Variants in NDST3 observed in about 807,000 individuals in gnomAD.
The protein encoded by NDST3 is bifunctional heparan sulfate N-deacetylase/N-sulfotransferase 3.
A neutral mutation model predicts 96.1 loss-of-function variants in NDST3; 58 were observed. That is an observed-to-expected ratio of 0.60 (90% CI 0.49 to 0.75). The LOEUF is 0.75. NDST3 is among the 30% of genes least tolerant of loss of function. The pLI is 0.00. For missense variants in NDST3, 788 were observed against 1,034.2 expected, an observed-to-expected ratio of 0.76 and a Z score of 3.27; for synonymous variants, 333 against 359.7, an observed-to-expected ratio of 0.93 and a Z score of 0.84.
intron 4 of NDST3, among the ~76,000 whole-genome samples, chr4:118,125,091 G>T (rs1335018603): frequency 6.6e-6 from 1 of 152,000 alleles, no homozygotes; most frequent in African/African-American, 2.4e-5. Flanking sequence ...CTAAGATCAG[G>T]CTGATATCAC....
intron 2 of NDST3, among the ~76,000 whole-genome samples, chr4:118,063,929 T>A (rs1726099480): frequency 6.6e-6 from 1 of 152,158 alleles, no homozygotes. Context: ...AAAAATTTCT[T>A]CCTACCAAGC....
rs558885291 is a variant in NDST3, at chr4:118,205,960, G to A, written c.1540-18531G>A. On this transcript the variant is annotated intron_variant, in intron 6 of 13. Transcript: ENST00000296499. ...CCCTTCTCCTGCCTCAGCCTCCCGA[G>A]TAGCTGGGATTACAGAAGCCCGCCA... is the stretch of plus-strand genomic sequence containing the variant. Among the ~76,000 whole-genome samples, 51 of 142,186 alleles carry A rather than the reference G, an allele frequency of 3.6e-4. 6 individuals are homozygous for A. Among genetic ancestry groups the A allele is most frequent in the Non-Finnish European group, 7.4e-4 (48 of 64,486 alleles). The allele number at this position is 142,186 out of a possible 152,430, so 93.3% of individuals were successfully genotyped here. A position where few individuals can be genotyped will look rare whatever the true frequency, so the allele number is the denominator to read the frequency against.
intron 8 of NDST3, among the ~76,000 whole-genome samples, chr4:118,229,905 T>TA (rs1415168790): frequency 6.6e-6 from 1 of 152,236 alleles, no homozygotes; most frequent in African/African-American, 2.4e-5. Context: ...ATAAAGTTTT[T>TA]ATCTGGAAAA....
chr4:118,106,227 C>T (rs1322210501), intron 3 of NDST3, among the ~76,000 whole-genome samples: 1 of 152,088 alleles, frequency 6.6e-6, no homozygotes, highest in African/African-American at 2.4e-5. Flanking sequence ...CTTAATTTTC[C>T]TTATGGCGTT....
intron 2 of NDST3, among the ~76,000 whole-genome samples, chr4:118,056,480 T>A (rs1054866857): frequency 1.3e-5 from 2 of 152,018 alleles, no homozygotes; most frequent in African/African-American, 4.8e-5. Context: ...AATGCTTTTT[T>A]AAAAAATGTG....
chr4:118,241,512 T>TCTCCTC (rs2308027), intron 11 of NDST3, among the ~76,000 whole-genome samples: 4 of 151,792 alleles, frequency 2.6e-5, no homozygotes, highest in Non-Finnish European at 5.9e-5. Flanking sequence ...AGCAACTTCT[T>TCTCCTC]CTTAGTTTCT....
intron 4 of NDST3, 49 bp from the exon 5 acceptor site, chr4:118,138,005 G>T: frequency 2.8e-6 from 4 of 1,420,776 alleles, no homozygotes; most frequent in Middle Eastern, 1.8e-4. Context: ...GTAAAAATAG[G>T]ATCAAGATAA....
chr4:118,078,527 G>A (rs1727760003), intron 2 of NDST3, among the ~76,000 whole-genome samples: 1 of 152,154 alleles, frequency 6.6e-6, no homozygotes, highest in South Asian at 2.1e-4. Flanking sequence ...CGAGGTGGGT[G>A]GATCACGAGG....
At chr4:118,159,533 C>T (rs919125080) in intron 6 of NDST3, among the ~76,000 whole-genome samples, 21 of 151,814 alleles carry the variant, frequency 1.4e-4, no homozygotes, top group African/African-American at 3.6e-4. Context: ...GGTAACAAGG[C>T]GCATTAAGAA....
chr4:118,200,822 A>G (rs888421351), intron 6 of NDST3, among the ~76,000 whole-genome samples: 1 of 152,110 alleles, frequency 6.6e-6, no homozygotes, highest in African/African-American at 2.4e-5. Flanking sequence ...AATACAGGGT[A>G]CATGTACAGA....
At chr4:118,108,285 TGAAAA>T (rs1560648643) in intron 3 of NDST3, among the ~76,000 whole-genome samples, 1 of 152,222 alleles carries the variant, frequency 6.6e-6, no homozygotes, top group African/African-American at 2.4e-5. Flanking sequence ...ACAAGAGAGA[TGAAAA>T]GAAGAGTTAC....
At chr4:118,119,090 CAT>C (rs1174855711) in intron 4 of NDST3, among the ~76,000 whole-genome samples, 2 of 152,146 alleles carry the variant, frequency 1.3e-5, no homozygotes, top group Non-Finnish European at 2.9e-5. Context: ...TTCCTGATAA[CAT>C]AAAATCTTAC....
chr4:118,061,055 C>T (rs750906928), intron 2 of NDST3, among the ~76,000 whole-genome samples: 19 of 152,132 alleles, frequency 1.2e-4, no homozygotes, highest in Non-Finnish European at 2.5e-4. Context: ...GCCATTGACA[C>T]GTAATTTTGA....
At chr4:118,198,805 T>C (rs1737870844) in intron 6 of NDST3, among the ~76,000 whole-genome samples, 1 of 152,178 alleles carries the variant, frequency 6.6e-6, no homozygotes, top group Admixed American at 6.5e-5. Context: ...TCTTCATTCT[T>C]GAAGGATATT....
intron 4 of NDST3, among the ~76,000 whole-genome samples, chr4:118,129,571 G>A (rs1332338460): frequency 6.6e-6 from 1 of 151,866 alleles, no homozygotes; most frequent in East Asian, 1.9e-4. Context: ...GTTTAGATTT[G>A]TGTAAATGTT....
chr4:118,151,428 C>A (rs1398841559), intron 6 of NDST3, among the ~76,000 whole-genome samples: 5 of 151,480 alleles, frequency 3.3e-5, no homozygotes, highest in Non-Finnish European at 7.4e-5. Flanking sequence ...ACAACAACAA[C>A]AAAAATAAAA....
At chr4:118,190,063 T>A (rs963439680) in intron 6 of NDST3, among the ~76,000 whole-genome samples, 1 of 151,998 alleles carries the variant, frequency 6.6e-6, no homozygotes, top group Non-Finnish European at 1.5e-5. Context: ...TCTTTATTAG[T>A]TTCCTCATCA....
Position 118,165,566 on chromosome 4 carries a change from T to C in NDST3, c.1539+21882T>C, listed in dbSNP as rs990125734. Among the ~76,000 whole-genome samples the C allele has an allele frequency of 2.6e-5, 4 of 151,950 alleles. No individual in the cohort carries two copies. The East Asian group carries it at 5.8e-4, about 22-fold the overall frequency. ...ACTTGAACAACACTATAGACCCAATTGACCTGGCCAACTGATACAGAACAT... is the reference window on the plus strand; with the variant it reads ...ACTTGAACAACACTATAGACCCAATCGACCTGGCCAACTGATACAGAACAT... On this transcript the variant is annotated intron_variant, in intron 6 of 13. Transcript: ENST00000296499.
chr4:118,159,572 C>T (rs765291048), intron 6 of NDST3, among the ~76,000 whole-genome samples: 1 of 152,094 alleles, frequency 6.6e-6, no homozygotes, highest in Admixed American at 6.6e-5. Context: ...ATCCAAGGAA[C>T]AAAATAAGTC....
Sources: gnomAD v4.1 joint callset for allele counts (sites outside exome capture counted in the v4.1 genomes callset) on GRCh38, gnomAD v4.1.1 for gene constraint, MANE v1.5 for transcripts, NCBI Gene and HGNC (gene_info 2026-07-23, HGNC 2026-07-21) for gene names.